SCN7A: variants seen among roughly 807,000 people sequenced by gnomAD.
SCN7A encodes sodium channel protein type 7 subunit alpha.
Under a neutral mutation model 155.2 loss-of-function variants are expected in SCN7A, and 138 were observed. The observed-to-expected ratio is 0.89, with a 90% CI of 0.77 to 1.02. SCN7A has a LOEUF of 1.02. Among genes scored for constraint, SCN7A ranks in the 50% least tolerant of loss-of-function variants. The pLI, the probability that SCN7A is intolerant of heterozygous loss-of-function variation, is 0.00. For synonymous variants in SCN7A, 693 were observed against 649.0 expected (o/e 1.07, Z -1.03); for missense variants, 2,058 against 1,986.6 (o/e 1.04, Z -0.68).
chr2:166,443,107 T>C (rs1701993836), intron 14 of SCN7A, among the ~76,000 whole-genome samples: 1 of 152,186 alleles, frequency 6.6e-6, no homozygotes, highest in Non-Finnish European at 1.5e-5. Context: ...ATAATTATCA[T>C]AATAACATTC....
intron 10 of SCN7A, among the ~76,000 whole-genome samples, chr2:166,458,061 G>T (rs1249651886): frequency 1.3e-5 from 2 of 152,084 alleles, no homozygotes; most frequent in African/African-American, 2.4e-5. Context: ...ACCTATTTAG[G>T]ATTGGTTAAA....
At chr2:166,484,392 T>C (rs1005071305) in intron 2 of SCN7A, among the ~76,000 whole-genome samples, 7 of 151,844 alleles carry the variant, frequency 4.6e-5, no homozygotes, top group African/African-American at 1.4e-4. Context: ...TATATTTATG[T>C]ACCTATGAGT....
chr2:166,465,738 C>T (rs150112904), intron 8 of SCN7A, 43 bp downstream of exon 8: 224 of 1,594,258 alleles, frequency 1.4e-4, no homozygotes, highest in East Asian at 1.8e-4. Flanking sequence ...TTGCCTTTAA[C>T]GAAAGTTTCA....
chr2:166,469,782 G>A (rs1575056311), intron 7 of SCN7A, among the ~76,000 whole-genome samples: 1 of 152,020 alleles, frequency 6.6e-6, no homozygotes, highest in East Asian at 1.9e-4. Context: ...ATTTGGTAAA[G>A]CTGCCATGCC....
chr2:166,454,960 C>A (rs1702244392), intron 11 of SCN7A, among the ~76,000 whole-genome samples: 1 of 152,110 alleles, frequency 6.6e-6, no homozygotes, highest in Non-Finnish European at 1.5e-5. Context: ...TAAAGCACAA[C>A]ACTAAGGTAA....
chr2:166,483,267 T>C (rs535792880), intron 2 of SCN7A, among the ~76,000 whole-genome samples: 1 of 152,228 alleles, frequency 6.6e-6, no homozygotes, highest in Admixed American at 6.5e-5. Flanking sequence ...TTTTAATCCT[T>C]ATGGCAATTA....
intron 23 of SCN7A, among the ~76,000 whole-genome samples, chr2:166,410,863 T>C (rs1701187557): frequency 6.6e-6 from 1 of 152,022 alleles, no homozygotes; most frequent in African/African-American, 2.4e-5. Context: ...TTTGTGTTTC[T>C]AGTGCTAATT....
intron 15 of SCN7A, among the ~76,000 whole-genome samples, chr2:166,433,323 T>C (rs1314757970): frequency 3.3e-5 from 5 of 152,160 alleles, no homozygotes; most frequent in South Asian, 2.1e-4. Flanking sequence ...TACAATTTTA[T>C]ACATTAACTT....
rs996730079 is a variant in SCN7A, at chr2:166,457,106, A to G, written c.1084-30T>C. ...GGAAAGGTAGAAAGTAAGGCAAAAG[A>G]GTAAAATGTTATTTATCTTCCAGGA... On this transcript the variant is annotated intron_variant, in intron 10 of 25. Coordinates refer to ENST00000643258, the MANE Select transcript of SCN7A (RefSeq NM_002976.4). 5 of 1,463,772 alleles carry G rather than the reference A, an allele frequency of 3.4e-6. No homozygotes were observed. The Middle Eastern group carries it at 5.9e-4, about 172-fold the overall frequency. The allele number at this position is 1,463,772 out of a possible 1,614,324, so 90.7% of individuals were successfully genotyped here. A position where few individuals can be genotyped will look rare whatever the true frequency, so the allele number is the denominator to read the frequency against.
At chr2:166,460,979 C>G (rs1327645054) in intron 10 of SCN7A, among the ~76,000 whole-genome samples, 12 of 149,372 alleles carry the variant, frequency 8.0e-5, no homozygotes, top group Non-Finnish European at 7.4e-5. Flanking sequence ...CTGGAAATAC[C>G]AATGCAAGTA....
intron 15 of SCN7A, chr2:166,436,222 C>T (rs1701835276): frequency 4.9e-6 from 1 of 204,436 alleles, no homozygotes; most frequent in Non-Finnish European, 1.1e-5. Flanking sequence ...TCATAATCCC[C>T]ACATGTTGTG....
rs371806499 is a variant in SCN7A, at chr2:166,418,591, T to C, written c.3136-1606A>G. Among the ~76,000 whole-genome samples, 12 of 152,108 alleles carry C rather than the reference T, an allele frequency of 7.9e-5. No individual in the cohort carries two copies. In the South Asian group the frequency reaches 1.2e-3, roughly 16 times the overall value. On this transcript the variant is annotated intron_variant, in intron 20 of 25. Transcript: ENST00000643258. ...GCATACTCTTCCTTATGTTCCATAG[T>C]TGCCTGTCTTTGAATTAATATTTAG...
At chr2:166,448,676 G>T (rs1702116638) in intron 11 of SCN7A, among the ~76,000 whole-genome samples, 1 of 152,150 alleles carries the variant, frequency 6.6e-6, no homozygotes, top group Admixed American at 6.6e-5. Context: ...ATACTGTGAG[G>T]TCTGAGGTCA....
At chr2:166,480,948 A>T (rs1702912481) in intron 2 of SCN7A, among the ~76,000 whole-genome samples, 4 of 152,238 alleles carry the variant, frequency 2.6e-5, no homozygotes, top group African/African-American at 9.6e-5. Flanking sequence ...TTAGTAAGTC[A>T]TTTGTAAAAT....
rs970871831 is a variant in SCN7A, at chr2:166,421,222, G to C, written c.3103C>G (p.Leu1035Val). The change falls in exon 20 of 26, where the codon CTC (leucine) becomes GTC (valine). Residue 1035 changes from leucine to valine, a missense_variant. Leu to Val is a conservative substitution (Grantham distance 32, BLOSUM62 1). Coordinates refer to ENST00000643258, the MANE Select transcript of SCN7A (RefSeq NM_002976.4). ...PLISMKFLRP[L>V]RVLSQFERMK... ...CTTTCAAATTGAGATAGAACTCTGA[G>C]GGGCCGAAGGAATTTCATGGAAATA... The C allele has an allele frequency of 6.5e-7, 1 of 1,535,174 alleles. No individual in the cohort carries two copies. Among genetic ancestry groups the C allele is most frequent in the African/African-American group, 1.4e-5 (1 of 72,274 alleles).
Position 166,423,419 on chromosome 2 carries a change from A to T in SCN7A, c.2867T>A (p.Ile956Lys). 2.6e-6 allele frequency: 4 copies of T among 1,556,754 alleles called. No individual in the cohort carries two copies. The highest frequency in any genetic ancestry group is 3.5e-6 in the Non-Finnish European group (4 of 1,157,130). ...LSTGTLAFED[I>K]YMDQRKTIKI... ...AATTGTCTTTCTCTGATCCATATATATATCTTCAAAAGCCTGTGGGTAAAA... is the reference window on the plus strand; with the variant it reads ...AATTGTCTTTCTCTGATCCATATATTTATCTTCAAAAGCCTGTGGGTAAAA... The change falls in exon 19 of 26, where the codon ATA (isoleucine) becomes AAA (lysine). Residue 956 changes from isoleucine to lysine, a missense_variant. Transcript: ENST00000643258.
chr2:166,455,059 A>G (rs540773057), intron 11 of SCN7A, among the ~76,000 whole-genome samples: 41 of 152,314 alleles, frequency 2.7e-4, no homozygotes, highest in African/African-American at 9.6e-4. Context: ...TATGATACAT[A>G]GTGCATTTCC....
At chr2:166,429,417 A>G (rs934089304) in intron 16 of SCN7A, 143 bp from the exon 17 acceptor site, 1 of 598,618 alleles carries the variant, frequency 1.7e-6, no homozygotes, top group South Asian at 2.1e-5. Flanking sequence ...GGCCAATTTC[A>G]TGACTGAGAT....
chr2:166,408,655 G>A (rs945636599), intron 25 of SCN7A, among the ~76,000 whole-genome samples: 6 of 151,460 alleles, frequency 4.0e-5, no homozygotes, highest in Admixed American at 6.6e-5. Flanking sequence ...AGCTTCTTAC[G>A]GTTTTTTTCA....
Sources: allele counts gnomAD v4.1 joint callset (sites outside exome capture counted in the v4.1 genomes callset), GRCh38; gene constraint gnomAD v4.1.1; transcripts MANE v1.5; gene names NCBI Gene and HGNC (gene_info 2026-07-23, HGNC 2026-07-21).